The following PPP1CC variants were observed in gnomAD, a reference collection of about 807,000 sequenced individuals.
PPP1CC encodes serine/threonine-protein phosphatase PP1-gamma catalytic subunit.
PPP1CC carries 16 observed loss-of-function variants against 38.4 expected under a neutral mutation model. That is an observed-to-expected ratio of 0.42 (90% CI 0.28 to 0.63). The LOEUF is 0.63. PPP1CC is among the 30% of genes least tolerant of loss of function. PPP1CC has a pLI of 0.25. For missense variants in PPP1CC, 170 were observed against 391.3 expected (o/e 0.43, Z 4.77); for synonymous variants, 158 against 136.0 (o/e 1.16, Z -1.13).
Position 110,720,161 on chromosome 12 carries a change from A to G in PPP1CC, c.*915T>C, listed in dbSNP as rs1223842654. 5.8e-6 allele frequency: 9 copies of G among 1,555,896 alleles called. No homozygotes were observed. The highest frequency in any genetic ancestry group is 1.9e-5 in the Admixed American group (1 of 53,768). On this transcript the variant is annotated 3_prime_UTR_variant, in exon 7 of 7. Coordinates refer to ENST00000335007, the MANE Select transcript of PPP1CC (RefSeq NM_002710.4). ...ACTCGTATAGAACAGTATTGTTTCT[A>G]TAATTTGAAGCTTTCTGAATGGACG...
rs117657325 is a variant in PPP1CC, at chr12:110,729,004, G to C, written c.418+1525C>G. 1.2e-3 allele frequency among the ~76,000 whole-genome samples: 176 copies of C among 152,246 alleles called. 4 individuals carry two copies. The East Asian group carries it at 0.029, about 25-fold the overall frequency. ...ATGTGGTCTAGGGGAGGGCCACAGG[G>C]ACAACCCTTTGCTGATATCCCTATA... On this transcript the variant is annotated intron_variant, in intron 3 of 6. Transcript: ENST00000335007.
intron 1 of PPP1CC, among the ~76,000 whole-genome samples, chr12:110,737,930 TAA>T (rs2069966821): frequency 6.6e-6 from 1 of 151,738 alleles, no homozygotes; most frequent in Non-Finnish European, 1.5e-5. Context: ...GTAAAAAAAA[TAA>T]AAGTGACACC....
chr12:110,736,487 T>C (rs746373292), intron 1 of PPP1CC, among the ~76,000 whole-genome samples: 1 of 151,824 alleles, frequency 6.6e-6, no homozygotes, highest in Non-Finnish European at 1.5e-5. Flanking sequence ...CTACCAAAAA[T>C]ACAAAATATA....
chr12:110,716,092 TCTTC>T (rs10547132), downstream of PPP1CC, among the ~76,000 whole-genome samples: 17,598 of 152,162 alleles, frequency 0.12, 1,185 homozygotes, highest in African/African-American at 0.18. Context: ...AAGACTTATG[TCTTC>T]CTTCTCAATT....
chr12:110,735,979 C>A (rs781314120), intron 1 of PPP1CC, among the ~76,000 whole-genome samples: 1 of 152,088 alleles, frequency 6.6e-6, no homozygotes, highest in Non-Finnish European at 1.5e-5. Flanking sequence ...GCAGGAGAAT[C>A]GCTGGAACCC....
Position 110,722,661 on chromosome 12 carries a change from A to C in PPP1CC, c.558T>G (p.Ile186Met). 6.2e-7 allele frequency: 1 copy of C among 1,614,004 alleles called. No individual in the cohort carries two copies. The highest frequency in any genetic ancestry group is 8.5e-7 in the Non-Finnish European group (1 of 1,180,018). Residue 186 changes from isoleucine (I) to methionine (M), a missense_variant, in exon 5 of 7, where the codon ATT (isoleucine) becomes ATG (methionine). Transcript: ENST00000335007. The surrounding 1 kb of genome is among the most constrained non-coding windows in gnomAD (Gnocchi z 5.4). ...CATCAGTTGGTCGCATAATTCGCCG[A>C]ATCTGCTCCATAGATTGAAGATCTG... Reference protein sequence around the residue: ...LSPDLQSMEQIRRIMRPTDVP... With the variant: ...LSPDLQSMEQMRRIMRPTDVP...
chr12:110,708,619 T>C, the PPP1CC span, among the ~76,000 whole-genome samples: 1 of 151,914 alleles, frequency 6.6e-6, no homozygotes. Context: ...GAGGCCAAGG[T>C]AGGCAGATTA....
chr12:110,742,552 G>A (rs944623983), intron 1 of PPP1CC, 101 bp downstream of exon 1: 5 of 1,061,112 alleles, frequency 4.7e-6, no homozygotes, highest in East Asian at 6.5e-5. Context: ...CCACGGTGCT[G>A]CAAGCCCAAC....
At chr12:110,728,672 T>C (rs2069837269) in intron 3 of PPP1CC, among the ~76,000 whole-genome samples, 1 of 152,234 alleles carries the variant, frequency 6.6e-6, no homozygotes, top group Non-Finnish European at 1.5e-5. Context: ...AGTAACTGGC[T>C]TACTGGTACT....
chr12:110,738,692 GCTC>G (rs1457791498), intron 1 of PPP1CC, among the ~76,000 whole-genome samples: 2 of 152,304 alleles, frequency 1.3e-5, no homozygotes, highest in Non-Finnish European at 2.9e-5. Flanking sequence ...AATGCAGAGC[GCTC>G]CTGTGTGTCA....
intron 3 of PPP1CC, 127 bp downstream of exon 3, chr12:110,730,402 T>C (rs1566085449): frequency 1.2e-6 from 1 of 802,362 alleles, no homozygotes; most frequent in Non-Finnish European, 1.9e-6. Context: ...GTTGATGAAA[T>C]AGAAAACATG....
the PPP1CC span, among the ~76,000 whole-genome samples, chr12:110,711,421 T>C: frequency 9.2e-5 from 14 of 152,068 alleles, no homozygotes; most frequent in African/African-American, 3.4e-4. Flanking sequence ...AACAGTATAT[T>C]GCTTAGGGAT....
At position 110,742,663 on chromosome 12, in the gene PPP1CC, C is replaced by A; in HGVS notation, c.45G>T (p.Arg15=). Residue 15 remains arginine (R), a synonymous_variant, in exon 1 of 7, where the codon CGG becomes CGT. Coordinates refer to ENST00000335007, the MANE Select transcript of PPP1CC (RefSeq NM_002710.4). ...DKLNIDSIIQ[R]LLEVRGSKPG... ...CGCCGCCCCCCTTACCTTCCAGCAG[C>A]CGTTGGATAATGCTGTCGATGTTGA... 6.8e-7 allele frequency: 1 copy of A among 1,476,198 alleles called. No individual in the cohort carries two copies. The highest frequency in any genetic ancestry group is 2.2e-5 in the Admixed American group (1 of 45,412). The allele number at this position is 1,476,198 out of a possible 1,614,324, so 91.4% of individuals were successfully genotyped here.
At chr12:110,723,420 T>C (rs554499228) in intron 4 of PPP1CC, among the ~76,000 whole-genome samples, 3 of 152,364 alleles carry the variant, frequency 2.0e-5, no homozygotes, top group Non-Finnish European at 2.9e-5. Flanking sequence ...TTTCAGACCA[T>C]ACAGGAAAAG....
chr12:110,717,432 C>T (rs1362123980), downstream of PPP1CC, among the ~76,000 whole-genome samples: 7 of 152,112 alleles, frequency 4.6e-5, no homozygotes, highest in Non-Finnish European at 8.8e-5. Context: ...CTCGCTCTGT[C>T]GCCCAGGCTG....
At chr12:110,713,872 C>T in the PPP1CC span, among the ~76,000 whole-genome samples, 4 of 152,120 alleles carry the variant, frequency 2.6e-5, no homozygotes, top group Non-Finnish European at 4.4e-5. Flanking sequence ...CCAATGCAGG[C>T]GCATCACCTG....
At chr12:110,719,176 A>G (rs766897792), downstream of PPP1CC, among the ~76,000 whole-genome samples, 1 of 152,164 alleles carries the variant, frequency 6.6e-6, no homozygotes, top group African/African-American at 2.4e-5. Flanking sequence ...CTGGGAGAAT[A>G]TTACGTAAAA....
chr12:110,740,679 T>A (rs902706968), intron 1 of PPP1CC, among the ~76,000 whole-genome samples: 1 of 152,168 alleles, frequency 6.6e-6, no homozygotes, highest in African/African-American at 2.4e-5. Context: ...AAGTGCCACA[T>A]AACAAGAGGA....
At position 110,719,986 on chromosome 12, in the gene PPP1CC, C is replaced by G; in HGVS notation, c.*1090G>C. The G allele has an allele frequency of 1.5e-6, 1 of 649,348 alleles. No individual in the cohort carries two copies. Among genetic ancestry groups the G allele is most frequent in the East Asian group, 2.8e-5 (1 of 36,206 alleles). 40.2% of individuals were successfully genotyped at this position (649,348 alleles called of 1,614,324 possible). A position where few individuals can be genotyped will look rare whatever the true frequency, so the allele number is the denominator to read the frequency against. ...CACGGTCATCTGTTGAAACAGATTTCTTTTTTAACAGATCTTAGTTTAAAA... is the reference window on the plus strand; with the variant it reads ...CACGGTCATCTGTTGAAACAGATTTGTTTTTTAACAGATCTTAGTTTAAAA... On this transcript the variant is annotated 3_prime_UTR_variant, in exon 7 of 7. Transcript: ENST00000335007.
Sources: allele counts gnomAD v4.1 joint callset (sites outside exome capture counted in the v4.1 genomes callset), GRCh38; gene constraint gnomAD v4.1.1; non-coding constraint Gnocchi (gnomAD v3.1); transcripts MANE v1.5; gene names NCBI Gene and HGNC (gene_info 2026-07-23, HGNC 2026-07-21).